Variants in PCDHGB2 observed in about 807,000 individuals in gnomAD.
The protein encoded by PCDHGB2 is protocadherin gamma subfamily B, 2.
PCDHGB2 carries 55 observed loss-of-function variants against 59.3 expected under a neutral mutation model. The ratio of observed to expected loss-of-function variants is 0.93; its 90% CI spans 0.75 to 1.16. The LOEUF (loss-of-function observed/expected upper bound fraction) is 1.16. Ranked by LOEUF, PCDHGB2 falls within the 50% of genes most tolerant of loss-of-function variation. PCDHGB2 has a pLI of 0.00. For synonymous variants in PCDHGB2, 516 were observed against 512.0 expected, an observed-to-expected ratio of 1.01 and a Z score of -0.11; for missense variants, 1,228 against 1,198.5, an observed-to-expected ratio of 1.02 and a Z score of -0.36.
chr5:141,361,611 A>T lies in PCDHGB2; in HGVS notation c.1476A>T (p.Val492=). The change falls in exon 1 of 4, where the codon GTA becomes GTT. Residue 492 remains valine (V), a synonymous_variant. Coordinates refer to ENST00000522605, the MANE Select transcript of PCDHGB2 (RefSeq NM_018923.3). ...GPSGQVSYSI[V]ASDLKPREIL... is the part of the protein sequence containing the mutation. ...GTGGCCAAGTTTCCTACTCCATCGT[A>T]GCGAGCGACCTGAAGCCGCGGGAGA... 1.2e-6 allele frequency: 2 copies of T among 1,613,948 alleles called. No homozygotes were observed. The highest frequency in any genetic ancestry group is 1.7e-6 in the Non-Finnish European group (2 of 1,179,896).
intron 1 of PCDHGB2, chr5:141,394,998 G>C: frequency 2.5e-6 from 4 of 1,614,010 alleles, no homozygotes; most frequent in Non-Finnish European, 3.4e-6. Context: ...CCAGGATTCC[G>C]GTGGCAGATT....
At chr5:141,405,476 G>A (rs1214119236) in intron 1 of PCDHGB2, 1 of 1,048,044 alleles carries the variant, frequency 9.5e-7, no homozygotes, top group Non-Finnish European at 1.4e-6. Flanking sequence ...CTGGAATGCA[G>A]TGGTGTGATC....
chr5:141,488,606 C>T (rs781116401), intron 1 of PCDHGB2, among the ~76,000 whole-genome samples: 2 of 152,156 alleles, frequency 1.3e-5, no homozygotes, highest in Admixed American at 1.3e-4. Flanking sequence ...TTACAAGGTT[C>T]TTACTAATCT....
chr5:141,399,697 T>C, intron 1 of PCDHGB2: 1 of 1,613,436 alleles, frequency 6.2e-7, no homozygotes. Context: ...GCTGCGCACC[T>C]TCGAACTCAC....
intron 1 of PCDHGB2, among the ~76,000 whole-genome samples, chr5:141,425,778 C>G (rs2096893107): frequency 6.6e-6 from 1 of 152,160 alleles, no homozygotes; most frequent in African/African-American, 2.4e-5. Flanking sequence ...AAGACTTTGC[C>G]TAGTTCTTCC....
chr5:141,374,202 A>T (rs1446012115), intron 1 of PCDHGB2: 5 of 1,613,868 alleles, frequency 3.1e-6, no homozygotes, highest in Non-Finnish European at 4.2e-6. Context: ...GAGGAGCTGG[A>T]GAAAGGCTCC....
At position 141,493,887 on chromosome 5, in the gene PCDHGB2, G is replaced by C. The variant is rs760575047; in HGVS notation, c.2422-920G>C. On this transcript the variant is annotated intron_variant, in intron 1 of 3. Transcript: ENST00000522605. This position sits in a 1 kb window ranked among gnomAD's most constrained non-coding sequence, Gnocchi z 4.3. Reference sequence around the variant, plus strand: ...AGAACCAGTGAGGAGGTGGCTCTAGGAGTGCTCCATGAGAGTGTGTGATGG... The same window carrying C: ...AGAACCAGTGAGGAGGTGGCTCTAGCAGTGCTCCATGAGAGTGTGTGATGG... Among the ~76,000 whole-genome samples, 11 of 152,184 alleles carry C rather than the reference G, an allele frequency of 7.2e-5. No homozygotes were observed. Among genetic ancestry groups the C allele is most frequent in the Non-Finnish European group, 1.2e-4 (8 of 68,026 alleles).
intron 1 of PCDHGB2, chr5:141,385,444 G>C: frequency 6.9e-7 from 1 of 1,448,588 alleles, no homozygotes; most frequent in East Asian, 2.5e-5. Context: ...GTAAAAATGA[G>C]TTTACCAGTT....
At chr5:141,370,796 C>T (rs1460787163) in intron 1 of PCDHGB2, 2 of 1,613,888 alleles carry the variant, frequency 1.2e-6, no homozygotes, top group Non-Finnish European at 1.7e-6. Context: ...CGACCTTTAG[C>T]CAAAATATCA....
In PCDHGB2 at chr5:141,512,394, C is replaced by A. The variant is rs750967336; in HGVS notation, c.*1221C>A. 1 of 152,706 alleles carries A rather than the reference C, an allele frequency of 6.5e-6. No homozygotes were observed. The highest frequency in any genetic ancestry group is 1.5e-5 in the Non-Finnish European group (1 of 68,084). The allele number at this position is 152,706 out of a possible 1,614,324, so 9.5% of individuals were successfully genotyped here. ...GACCAAATGAACAGAAAGTCTCAGC[C>A]CAGGATGGGGCTTCTTCAACAGGGC... is the stretch of plus-strand genomic sequence containing the variant. On this transcript the variant is annotated 3_prime_UTR_variant, in exon 4 of 4. Transcript: ENST00000522605.
chr5:141,367,411 C>G (rs1046748433), intron 1 of PCDHGB2: 8 of 152,236 alleles, frequency 5.3e-5, no homozygotes, highest in Admixed American at 3.9e-4. Context: ...GTGGCAGGCG[C>G]CTGTAGTCCC....
chr5:141,398,985 A>T, intron 1 of PCDHGB2: 1 of 1,613,964 alleles, frequency 6.2e-7, no homozygotes, highest in Non-Finnish European at 8.5e-7. Flanking sequence ...GAACCGGGCA[A>T]ATCTTTAGTC....
chr5:141,430,258 A>T (rs542653323), intron 1 of PCDHGB2, among the ~76,000 whole-genome samples: 1 of 147,968 alleles, frequency 6.8e-6, no homozygotes, highest in Non-Finnish European at 1.5e-5. Flanking sequence ...AGACATCTCC[A>T]TAATAGGTGT....
At chr5:141,397,965 C>A in intron 1 of PCDHGB2, 1 of 1,077,484 alleles carries the variant, frequency 9.3e-7, no homozygotes. Flanking sequence ...AGCTCAGACT[C>A]CCCAGCGCCG....
chr5:141,365,946 AC>A (rs774882856), intron 1 of PCDHGB2: 230 of 1,614,020 alleles, frequency 1.4e-4, no homozygotes, highest in Non-Finnish European at 1.9e-4. Flanking sequence ...GACAGTGGGA[AC>A]CCTCCACTTA....
chr5:141,430,383 G>GAA (rs139772145), intron 1 of PCDHGB2, among the ~76,000 whole-genome samples: 39 of 138,602 alleles, frequency 2.8e-4, no homozygotes, highest in African/African-American at 7.9e-4. Context: ...AGCTCATTGG[G>GAA]AAAAAAAAAA....
intron 1 of PCDHGB2, chr5:141,375,345 C>T (rs749825552): frequency 5.0e-6 from 8 of 1,613,858 alleles, no homozygotes; most frequent in South Asian, 4.4e-5. Flanking sequence ...TACAACATCA[C>T]TGTGACAGCC....
chr5:141,500,036 T>C (rs1001193977), intron 2 of PCDHGB2, among the ~76,000 whole-genome samples: 8 of 152,176 alleles, frequency 5.3e-5, no homozygotes, highest in African/African-American at 1.9e-4. Flanking sequence ...TGAGTGTCTC[T>C]TAAGTATCTT....
At chr5:141,394,821 G>A (rs2093106496) in intron 1 of PCDHGB2, 2 of 1,613,744 alleles carry the variant, frequency 1.2e-6, no homozygotes, top group East Asian at 2.2e-5. Flanking sequence ...CAGCATCCCC[G>A]AAGTCCTGAC....
Sources: gnomAD v4.1 joint callset for allele counts (sites outside exome capture counted in the v4.1 genomes callset) on GRCh38, gnomAD v4.1.1 for gene constraint, Gnocchi (gnomAD v3.1) non-coding constraint, MANE v1.5 for transcripts, NCBI Gene and HGNC (gene_info 2026-07-23, HGNC 2026-07-21) for gene names.